The following ACSL4 variants were observed in gnomAD, a reference collection of about 807,000 sequenced individuals.
ACSL4 encodes long-chain-fatty-acid--CoA ligase 4.
ACSL4 carries 9 observed loss-of-function variants against 49.1 expected under a neutral mutation model. The ratio of observed to expected loss-of-function variants is 0.18; its 90% confidence interval spans 0.11 to 0.32. The LOEUF is 0.32. ACSL4 is among the 10% of genes least tolerant of loss of function. The pLI is 1.00. For missense variants in ACSL4, 333 were observed against 493.7 expected (o/e 0.67, Z 3.08); for synonymous variants, 191 against 170.3 (o/e 1.12, Z -0.95).
At chrX:109,686,776 G>GCACA (rs35736807) in intron 2 of ACSL4, among the ~76,000 whole-genome samples, 356 of 98,910 alleles carry the variant, frequency 3.6e-3, no homozygotes, top group African/African-American at 0.012. Context: ...ACACACGCAT[G>GCACA]CACACACACA....
chrX:109,713,837 G>A (rs1009504739), intron 1 of ACSL4, among the ~76,000 whole-genome samples: 2 of 112,198 alleles, frequency 1.8e-5, no homozygotes, highest in African/African-American at 3.2e-5. Flanking sequence ...ATGACGGACT[G>A]CATATACAGT....
chrX:109,697,779 G>T (rs1925564356), intron 1 of ACSL4, among the ~76,000 whole-genome samples: 1 of 106,448 alleles, frequency 9.4e-6, no homozygotes, highest in African/African-American at 3.4e-5. Context: ...CAAGGAGAAT[G>T]CTGGAGAAGA....
At chrX:109,727,232 G>A (rs1181380806) in intron 1 of ACSL4, among the ~76,000 whole-genome samples, 1 of 111,712 alleles carries the variant, frequency 9.0e-6, no homozygotes, top group East Asian at 2.8e-4. Context: ...AGTGTCAACT[G>A]CTTCGTTATA....
At chrX:109,711,044 A>G (rs1926712782) in intron 1 of ACSL4, among the ~76,000 whole-genome samples, 3 of 112,867 alleles carry the variant, frequency 2.7e-5, no homozygotes, top group Admixed American at 1.9e-4. Context: ...GATATTGCCA[A>G]GTTAACTTTA....
In ACSL4 at chrX:109,682,694, C is replaced by A. The variant is rs766683632; in HGVS notation, c.406+25G>T. Reference sequence around the variant, plus strand: ...ATGCAAGCAAAGACCCTCCTCTCCCCCCTCCAAAAACACAAGGCACTTACG... The same window carrying A: ...ATGCAAGCAAAGACCCTCCTCTCCCACCTCCAAAAACACAAGGCACTTACG... On this transcript the variant is annotated intron_variant, in intron 4 of 15. Coordinates refer to ENST00000672401, the MANE Select transcript of ACSL4 (RefSeq NM_001318510.2). The A allele has an allele frequency of 6.6e-6, 8 of 1,207,359 alleles. No homozygotes were observed. The African/African-American group carries it at 1.4e-4, about 21-fold the overall frequency.
At chrX:109,670,887 G>A (rs1411861049) in intron 9 of ACSL4, among the ~76,000 whole-genome samples, 3 of 112,633 alleles carry the variant, frequency 2.7e-5, no homozygotes, top group Admixed American at 9.3e-5. Flanking sequence ...TCGGCCTCCC[G>A]AGGTGCTGGG....
intron 1 of ACSL4, among the ~76,000 whole-genome samples, chrX:109,697,088 A>G (rs1925496807): frequency 8.9e-6 from 1 of 112,460 alleles, no homozygotes; most frequent in Admixed American, 9.4e-5. Flanking sequence ...GAAAAAGAAA[A>G]AAATATATAC....
chrX:109,646,372 T>C (rs1324127492), intron 15 of ACSL4, among the ~76,000 whole-genome samples: 1 of 111,614 alleles, frequency 9.0e-6, no homozygotes, highest in Non-Finnish European at 1.9e-5. Context: ...ATATACAACA[T>C]TCTTAAAGAA....
intron 9 of ACSL4, among the ~76,000 whole-genome samples, chrX:109,674,002 A>C (rs1436673935): frequency 8.9e-6 from 1 of 111,806 alleles, no homozygotes; most frequent in Non-Finnish European, 1.9e-5. Flanking sequence ...GGGAGGGCTT[A>C]GATCCTTGAC....
rs1027089950 is a variant in ACSL4 at position 109,696,948 on chromosome X, G to A, written c.-65-752C>T. 1.8e-4 allele frequency among the ~76,000 whole-genome samples: 20 copies of A among 111,997 alleles called. No homozygotes were observed. The East Asian group carries it at 2.5e-3, about 14-fold the overall frequency. ...AGTCCCAACTACTCAGGAGGCTGAA[G>A]TGAGAGGATCACCAGAGTCTGGGAG... On this transcript the variant is annotated intron_variant, in intron 1 of 15. Transcript: ENST00000672401.
chrX:109,718,751 G>GAAA (rs1228132229), intron 1 of ACSL4, among the ~76,000 whole-genome samples: 1 of 48,067 alleles, frequency 2.1e-5, no homozygotes, highest in Non-Finnish European at 3.7e-5. Flanking sequence ...CCTGTCTCAA[G>GAAA]AAAAAAAAAA....
chrX:109,726,492 A>G (rs1928005247), intron 1 of ACSL4, among the ~76,000 whole-genome samples: 1 of 112,158 alleles, frequency 8.9e-6, no homozygotes, highest in Non-Finnish European at 1.9e-5. Context: ...TAGTAGTAAA[A>G]AAATTTACTG....
chrX:109,732,922 A>G (rs1197902418), intron 1 of ACSL4: 2 of 299,935 alleles, frequency 6.7e-6, no homozygotes, highest in Middle Eastern at 5.1e-4. Context: ...ACAGGAGCAG[A>G]TACAGTGACC....
At chrX:109,663,142 C>A in intron 13 of ACSL4, 69 bp downstream of exon 13, 1 of 949,429 alleles carries the variant, frequency 1.1e-6, no homozygotes, top group South Asian at 2.3e-5. Flanking sequence ...AATGACTGAT[C>A]AATATTACCT....
At chrX:109,733,103 G>T in intron 1 of ACSL4, 36 bp downstream of exon 1, 1 of 327,650 alleles carries the variant, frequency 3.1e-6, no homozygotes, top group East Asian at 1.0e-4. Flanking sequence ...GGGCAGGGGT[G>T]CCGGGGCCGC....
At chrX:109,729,845 A>C (rs932404097) in intron 1 of ACSL4, among the ~76,000 whole-genome samples, 2 of 112,232 alleles carry the variant, frequency 1.8e-5, no homozygotes, top group African/African-American at 6.5e-5. Flanking sequence ...TGAGTGAAGT[A>C]AAGTCAGTCT....
rs774716459 is a variant in ACSL4, at chrX:109,690,008, A to G, written c.-13+6136T>C. On this transcript the variant is annotated intron_variant, in intron 2 of 15. Transcript: ENST00000672401. ...AATAACGTGAAGGTAGCTAACTTTA[A>G]TCATCTTAAAAAACAATCACTTGTC... 6.2e-5 allele frequency among the ~76,000 whole-genome samples: 7 copies of G among 112,311 alleles called. No homozygotes were observed. In the South Asian group the frequency reaches 1.5e-3, roughly 23 times the overall value.
At chrX:109,711,686 C>T (rs1340234916) in intron 1 of ACSL4, among the ~76,000 whole-genome samples, 1 of 111,817 alleles carries the variant, frequency 8.9e-6, no homozygotes, top group African/African-American at 3.3e-5. Flanking sequence ...TTTCTTGCTT[C>T]CCTTTAGGTC....
Position 109,704,212 on chromosome X carries a change from C to T in ACSL4, c.-65-8016G>A, listed in dbSNP as rs139513535. Among the ~76,000 whole-genome samples the T allele has an allele frequency of 3.5e-3, 396 of 111,602 alleles. 7 individuals are homozygous for T. Among genetic ancestry groups the T allele is most frequent in the African/African-American group, 0.013 (385 of 30,746 alleles). ...CCATGACAACAGTCATATTTCCTTG[C>T]ATAGATAAATATGCAGTATTCTGAT... On this transcript the variant is annotated intron_variant, in intron 1 of 15. Coordinates refer to ENST00000672401, the MANE Select transcript of ACSL4 (RefSeq NM_001318510.2).
Sources: gnomAD v4.1 joint callset for allele counts (sites outside exome capture counted in the v4.1 genomes callset) on GRCh38, gnomAD v4.1.1 for gene constraint, MANE v1.5 for transcripts, NCBI Gene and HGNC (gene_info 2026-07-23, HGNC 2026-07-21) for gene names.